Variants in KCNT2 observed in about 807,000 individuals in gnomAD.
KCNT2 encodes potassium sodium-activated channel subfamily T member 2.
KCNT2 carries 67 observed loss-of-function variants against 153.8 expected under a neutral mutation model. The observed-to-expected ratio is 0.44, with a 90% CI of 0.36 to 0.53. The LOEUF (loss-of-function observed/expected upper bound fraction) is 0.53, where lower values mean the gene tolerates loss of function less well. Ranked by LOEUF, KCNT2 falls within the 20% of genes least tolerant of loss-of-function variation. The pLI, the probability that KCNT2 is intolerant of heterozygous loss-of-function variation, is 0.00. For missense variants in KCNT2, 975 were observed against 1,354.8 expected (o/e 0.72, Z 4.40); for synonymous variants, 500 against 458.8 (o/e 1.09, Z -1.15).
At chr1:196,344,027 G>T (rs575711306) in intron 14 of KCNT2, among the ~76,000 whole-genome samples, 45 of 152,078 alleles carry the variant, frequency 3.0e-4, no homozygotes, top group Admixed American at 2.6e-4. Context: ...CGATCCGCCC[G>T]CCTTGGCCTC....
intron 26 of KCNT2, among the ~76,000 whole-genome samples, chr1:196,245,345 C>G (rs1655343254): frequency 2.6e-5 from 4 of 151,798 alleles, no homozygotes. Context: ...AAAGCAAACC[C>G]AAAAAAATAA....
chr1:196,551,168 T>A lies in KCNT2; in HGVS notation c.95+57047A>T, dbSNP rs77230140. 9.9e-4 allele frequency among the ~76,000 whole-genome samples: 150 copies of A among 151,996 alleles called. 5 individuals carry two copies. In the East Asian group the frequency reaches 0.026, roughly 27 times the overall value. ...TTTGAGATTGATGATGATTAACTCA[T>A]GCTTAGATATCCTCTGGGATCATTA... On this transcript the variant is annotated intron_variant, in intron 1 of 27. Coordinates refer to ENST00000294725, the MANE Select transcript of KCNT2 (RefSeq NM_198503.5).
chr1:196,323,608 A>C (rs904605193), intron 19 of KCNT2, among the ~76,000 whole-genome samples: 2 of 151,950 alleles, frequency 1.3e-5, no homozygotes, highest in Non-Finnish European at 1.5e-5. Context: ...ATTTGAAAAC[A>C]TTGTGAACAC....
rs182141405 is a variant in KCNT2, at chr1:196,332,657, T to C, written c.1997+1190A>G. 1.5e-3 allele frequency among the ~76,000 whole-genome samples: 227 copies of C among 152,294 alleles called. 1 individual carries two copies. Among genetic ancestry groups the C allele is most frequent in the African/African-American group, 5.0e-3 (208 of 41,570 alleles). ...TATGACTAATAGTAATTAATACTAA[T>C]TGAACGCTTACTCTACACAAAACAT... On this transcript the variant is annotated intron_variant, in intron 17 of 27. Coordinates refer to ENST00000294725, the MANE Select transcript of KCNT2 (RefSeq NM_198503.5).
intron 1 of KCNT2, among the ~76,000 whole-genome samples, chr1:196,558,565 G>A (rs1300392945): frequency 2.0e-5 from 3 of 151,300 alleles, no homozygotes; most frequent in African/African-American, 4.8e-5. Flanking sequence ...AGTGTCTTCC[G>A]AAACCTGGCC....
intron 18 of KCNT2, among the ~76,000 whole-genome samples, chr1:196,328,282 A>G (rs1180031222): frequency 6.6e-6 from 1 of 152,108 alleles, no homozygotes; most frequent in Non-Finnish European, 1.5e-5. Context: ...AGCCAAAGGG[A>G]TCACGTGCGG....
rs192554156 is a variant in KCNT2 at position 196,366,308 on chromosome 1, C to T, written c.1403+6832G>A. ...CTGAGTAGCTGGGATTACAGGCATGCACCACCATGCCAGGCTAATTTTGTA... is the reference window on the plus strand; with the variant it reads ...CTGAGTAGCTGGGATTACAGGCATGTACCACCATGCCAGGCTAATTTTGTA... On this transcript the variant is annotated intron_variant, in intron 14 of 27. Transcript: ENST00000294725. Among the ~76,000 whole-genome samples the T allele has an allele frequency of 1.2e-3, 175 of 151,870 alleles. 1 individual carries two copies. Among genetic ancestry groups the T allele is most frequent in the African/African-American group, 4.1e-3 (169 of 41,434 alleles).
chr1:196,349,421 T>G (rs1666428068), intron 14 of KCNT2, among the ~76,000 whole-genome samples: 1 of 152,148 alleles, frequency 6.6e-6, no homozygotes, highest in Non-Finnish European at 1.5e-5. Flanking sequence ...GGGCTGTCGC[T>G]GCTCTGCAGG....
intron 14 of KCNT2, among the ~76,000 whole-genome samples, chr1:196,348,217 A>C (rs190947228): frequency 2.7e-3 from 416 of 152,192 alleles, no homozygotes; most frequent in African/African-American, 9.3e-3. Context: ...AAAAAAAAAA[A>C]AACTGAGTTT....
intron 12 of KCNT2, among the ~76,000 whole-genome samples, chr1:196,417,713 G>A (rs7512800): frequency 0.02 from 3,037 of 152,156 alleles, 100 homozygotes; most frequent in African/African-American, 0.069. Flanking sequence ...GATATATTCT[G>A]AGAAATCCAT....
chr1:196,589,335 T>C (rs928418668), intron 1 of KCNT2, among the ~76,000 whole-genome samples: 1 of 152,008 alleles, frequency 6.6e-6, no homozygotes, highest in Non-Finnish European at 1.5e-5. Flanking sequence ...TTCTATACAT[T>C]AAAATGTACC....
At chr1:196,240,417 T>C (rs1280980555) in intron 26 of KCNT2, among the ~76,000 whole-genome samples, 6 of 152,036 alleles carry the variant, frequency 3.9e-5, no homozygotes, top group Admixed American at 3.3e-4. Flanking sequence ...AAAAATAATA[T>C]GTTCACATTG....
At chr1:196,529,000 G>A (rs1158634024) in intron 1 of KCNT2, among the ~76,000 whole-genome samples, 1 of 151,868 alleles carries the variant, frequency 6.6e-6, no homozygotes, top group East Asian at 1.9e-4. Context: ...TAACTTTTTA[G>A]AAAAAATGTT....
chr1:196,265,266 T>TA lies in KCNT2; in HGVS notation c.2911-6773dup, dbSNP rs574086703. On this transcript the variant is annotated intron_variant, in intron 25 of 27. Transcript: ENST00000294725. ...TAATTTGTTGTATTGTCGAGACAAT[T>TA]ATGCTGTTTGAGTTTTTTTCTGCCC... Among the ~76,000 whole-genome samples the TA allele has an allele frequency of 2.6e-3, 401 of 152,314 alleles. 2 individuals carry two copies. The highest frequency in any genetic ancestry group is 0.02 in the Middle Eastern group (6 of 294).
At chr1:196,604,872 G>T (rs1485319576) in intron 1 of KCNT2, among the ~76,000 whole-genome samples, 6 of 152,072 alleles carry the variant, frequency 3.9e-5, no homozygotes, top group Admixed American at 6.5e-5. Context: ...CATTATGCCA[G>T]TGTATGTGTA....
intron 19 of KCNT2, among the ~76,000 whole-genome samples, chr1:196,320,997 A>ATT (rs145815049): frequency 0.14 from 20,120 of 143,478 alleles, 2,327 homozygotes; most frequent in African/African-American, 0.32. Flanking sequence ...TTAAGCATTG[A>ATT]TTTTTTTTTT....
intron 7 of KCNT2, 109 bp from the exon 8 acceptor site, chr1:196,465,496 A>C (rs1326220883): frequency 1.5e-6 from 1 of 676,662 alleles, no homozygotes; most frequent in Non-Finnish European, 2.7e-6. Flanking sequence ...GTACACATAC[A>C]TACATATGTA....
At chr1:196,586,513 T>G (rs749983465) in intron 1 of KCNT2, among the ~76,000 whole-genome samples, 3 of 152,098 alleles carry the variant, frequency 2.0e-5, no homozygotes, top group Admixed American at 6.6e-5. Flanking sequence ...TAATAAGAAT[T>G]CTTACCTGTA....
rs1025253350 is a variant in KCNT2 at position 196,226,995 on chromosome 1, A to G, written c.*1229T>C. 2.0e-5 allele frequency: 3 copies of G among 152,000 alleles called. No individual in the cohort carries two copies. Among genetic ancestry groups the G allele is most frequent in the Non-Finnish European group, 4.4e-5 (3 of 67,864 alleles). 9.4% of individuals were successfully genotyped at this position (152,000 alleles called of 1,614,324 possible). A position where few individuals can be genotyped will look rare whatever the true frequency, so the allele number is the denominator to read the frequency against. On this transcript the variant is annotated 3_prime_UTR_variant, in exon 28 of 28. Coordinates refer to ENST00000294725, the MANE Select transcript of KCNT2 (RefSeq NM_198503.5). ...TCTATTTCTCTAGGGGGAAAATGCA[A>G]TACAGGTAAAAAATGAAAAACTGGA...
Sources: gnomAD v4.1 joint callset for allele counts (sites outside exome capture counted in the v4.1 genomes callset) on GRCh38, gnomAD v4.1.1 for gene constraint, MANE v1.5 for transcripts, NCBI Gene and HGNC (gene_info 2026-07-23, HGNC 2026-07-21) for gene names.